The following GH2 variants were observed in gnomAD, a reference collection of about 807,000 sequenced individuals.
The protein encoded by GH2 is growth hormone variant.
Under a neutral mutation model 24.1 loss-of-function variants are expected in GH2, and 17 were observed. That is an observed-to-expected ratio of 0.71 (90% CI 0.48 to 1.06). The LOEUF (loss-of-function observed/expected upper bound fraction) is 1.06, where lower values mean the gene tolerates loss of function less well. Among genes scored for constraint, GH2 ranks in the 50% least tolerant of loss-of-function variants. GH2 has a pLI of 0.00. For synonymous variants in GH2, 126 were observed against 118.7 expected, an observed-to-expected ratio of 1.06 and a Z score of -0.40; for missense variants, 305 against 273.1, an observed-to-expected ratio of 1.12 and a Z score of -0.82.
At chr17:63,881,255 A>T (rs1009939312) in intron 2 of GH2, 104 bp downstream of exon 2, 1 of 1,611,654 alleles carries the variant, frequency 6.2e-7, no homozygotes. Flanking sequence ...TTTTCACTTC[A>T]GAAAACAACC....
rs144217364 is a variant in GH2, at chr17:63,880,417, G to A, written c.558C>T (p.Tyr186=). ...SHNDDALLKN[Y]GLLYCFRKDM... is the part of the protein sequence containing the mutation. ...CCTTCCTGAAGCAGTAGAGCAGCCC[G>A]TAGTTCTTGAGCAGTGCGTCATCGT... is the stretch of plus-strand genomic sequence containing the variant. Residue 186 remains tyrosine, a synonymous_variant, in exon 5 of 5, where the codon TAC becomes TAT. Transcript: ENST00000423893. 4.4e-5 allele frequency: 71 copies of A among 1,613,702 alleles called. No homozygotes were observed. Among genetic ancestry groups the A allele is most frequent in the Non-Finnish European group, 5.6e-5 (66 of 1,179,804 alleles).
rs761690552 is a variant in GH2 at position 63,881,340 on chromosome 17, C to T, written c.171+19G>A. 1.2e-6 allele frequency: 2 copies of T among 1,613,872 alleles called. No individual in the cohort carries two copies. The highest frequency in any genetic ancestry group is 1.7e-5 in the Admixed American group (1 of 60,016). The stretch of plus-strand genomic sequence containing the variant: ...CCTTCCTGCCACCTCTGAAGCGCAC[C>T]CATTACCCAAGAGCTTACAAACTCC... On this transcript the variant is annotated intron_variant, in intron 2 of 4. Coordinates refer to ENST00000423893, the MANE Select transcript of GH2 (RefSeq NM_002059.5).
In GH2 at chr17:63,880,935, T is replaced by C. The variant is rs138801073; in HGVS notation, c.293A>G (p.Asn98Ser). ...SNRVKTQQKS[N>S]LELLRISLLL... ...CAGGGAGATGCGGAGCAGCTCTAGG[T>C]TCTGCAGGGGAAGGACCGGCAGTGG... Residue 98 changes from asparagine (N) to serine (S), a missense_variant and splice_region_variant, in exon 4 of 5, where the codon AAC becomes AGC. Asn to Ser is a conservative substitution (Grantham distance 46, BLOSUM62 1). Transcript: ENST00000423893. The C allele has an allele frequency of 1.5e-4, 241 of 1,613,858 alleles. No homozygotes were observed. Among genetic ancestry groups the C allele is most frequent in the Non-Finnish European group, 2.0e-4 (239 of 1,179,940 alleles).
chr17:63,881,011 G>C lies in GH2; in HGVS notation c.291+18C>G, dbSNP rs753765648. On this transcript the variant is annotated intron_variant, in intron 3 of 4. Coordinates refer to ENST00000423893, the MANE Select transcript of GH2 (RefSeq NM_002059.5). Reference sequence around the variant, plus strand: ...CAGGTCTACCCCATCCCCACCTGGGGAGAAGGCATCCACTCACAGATTTCT... The same window carrying C: ...CAGGTCTACCCCATCCCCACCTGGGCAGAAGGCATCCACTCACAGATTTCT... 7 of 1,614,100 alleles carry C rather than the reference G, an allele frequency of 4.3e-6. No homozygotes were observed. Among genetic ancestry groups the C allele is most frequent in the Non-Finnish European group, 5.1e-6 (6 of 1,179,964 alleles).
chr17:63,881,115 A>G lies in GH2; in HGVS notation c.205T>C (p.Ser69Pro). The G allele has an allele frequency of 6.2e-7, 1 of 1,614,076 alleles. No homozygotes were observed. The highest frequency in any genetic ancestry group is 8.5e-7 in the Non-Finnish European group (1 of 1,179,922). ...GAGGTCTGGGGGTTCTGCAGGAATG[A>G]ATACTTCTGCTCCTTCAGGATATAG... ...EAYILKEQKY[S>P]FLQNPQTSLC... Residue 69 changes from serine to proline, a missense_variant, in exon 3 of 5, where the codon TCA becomes CCA. Transcript: ENST00000423893.
At position 63,881,080 on chromosome 17, in the gene GH2, G is replaced by T; in HGVS notation, c.240C>A (p.Phe80Leu). The change falls in exon 3 of 5, where the codon TTC becomes TTA. Residue 80 changes from phenylalanine (F) to leucine (L), a missense_variant. Phe to Leu is a conservative substitution (Grantham distance 22). Transcript: ENST00000423893. ...TGGAAGGTGTTGGAATAGACTCTGA[G>T]AAGCAGAGGGAGGTCTGGGGGTTCT... Reference protein sequence around the residue: ...FLQNPQTSLCFSESIPTPSNR... With the variant: ...FLQNPQTSLCLSESIPTPSNR... 6.2e-7 allele frequency: 1 copy of T among 1,614,090 alleles called. No individual in the cohort carries two copies. Among genetic ancestry groups the T allele is most frequent in the Non-Finnish European group, 8.5e-7 (1 of 1,179,932 alleles).
chr17:63,881,051 C>T lies in GH2; in HGVS notation c.269G>A (p.Arg90Lys). The change falls in exon 3 of 5, where the codon AGG (arginine) becomes AAG (lysine). Residue 90 changes from arginine to lysine, a missense_variant. Coordinates refer to ENST00000423893, the MANE Select transcript of GH2 (RefSeq NM_002059.5). ...CACAGATTTCTGCTGCGTTTTCACC[C>T]TGTTGGAAGGTGTTGGAATAGACTC... is the stretch of plus-strand genomic sequence containing the variant. ...FSESIPTPSN[R>K]VKTQQKSNLE... 1 of 1,614,060 alleles carries T rather than the reference C, an allele frequency of 6.2e-7. No homozygotes were observed. Among genetic ancestry groups the T allele is most frequent in the Non-Finnish European group, 8.5e-7 (1 of 1,179,946 alleles).
chr17:63,881,271 C>T, intron 2 of GH2, 88 bp downstream of exon 2: 1 of 1,609,790 alleles, frequency 6.2e-7, no homozygotes, highest in Non-Finnish European at 8.5e-7. Context: ...CAACCCTGAG[C>T]TCCTTAGTCT....
At chr17:63,880,698 C>G (rs1275815670) in intron 4 of GH2, 74 bp downstream of exon 4, 34 of 1,614,072 alleles carry the variant, frequency 2.1e-5, no homozygotes, top group Non-Finnish European at 2.8e-5. Context: ...AAAAAGAGGG[C>G]AGCAGTGTTT....
Position 63,880,870 on chromosome 17 carries a change from T to C in GH2, c.358A>G (p.Arg120Gly). 6.2e-7 allele frequency: 1 copy of C among 1,614,038 alleles called. No homozygotes were observed. The highest frequency in any genetic ancestry group is 1.1e-5 in the South Asian group (1 of 91,078). The change falls in exon 4 of 5, where the codon AGG becomes GGG. Residue 120 changes from arginine (R) to glycine (G), a missense_variant. Arg to Gly is a moderately radical substitution (Grantham distance 125). Transcript: ENST00000423893. ...ACCAGGCTGTTGGCGAAGACGCTCCTGAGGAGCTGCACGGGCTCCAGCCAT... is the reference window on the plus strand; with the variant it reads ...ACCAGGCTGTTGGCGAAGACGCTCCCGAGGAGCTGCACGGGCTCCAGCCAT... ...QSWLEPVQLL[R>G]SVFANSLVYG... is the part of the protein sequence containing the mutation.
Position 63,881,510 on chromosome 17 carries a change from G to T in GH2, c.20C>A (p.Thr7Lys), listed in dbSNP as rs1284777228. The change falls in exon 2 of 5, where the codon ACG (threonine) becomes AAG (lysine). Residue 7 changes from threonine to lysine, a missense_variant. Thr to Lys is a moderately conservative substitution (Grantham distance 78, BLOSUM62 -1). Transcript: ENST00000423893. The part of the protein sequence containing the change: MAAGSR[T>K]SLLLAFGLLC... ...CAGGCCAAAAGCCAGGAGCAGGGAC[G>T]TCCGGGAGCCTGGGGAGAAACCGGA... 2 of 1,613,780 alleles carry T rather than the reference G, an allele frequency of 1.2e-6. No individual in the cohort carries two copies. The highest frequency in any genetic ancestry group is 2.2e-5 in the East Asian group (1 of 44,884).
At position 63,881,034 on chromosome 17, in the gene GH2, T is replaced by C. The variant is rs780436174; in HGVS notation, c.286A>G (p.Lys96Glu). 17 of 1,613,950 alleles carry C rather than the reference T, an allele frequency of 1.1e-5. No homozygotes were observed. In the South Asian group the frequency reaches 1.9e-4, roughly 18 times the overall value. ...GGGAGAAGGCATCCACTCACAGATT[T>C]CTGCTGCGTTTTCACCCTGTTGGAA... ...TPSNRVKTQQKSNLELLRISL... is the reference protein window; with the variant it reads ...TPSNRVKTQQESNLELLRISL... Residue 96 changes from lysine (K) to glutamate (E), a missense_variant, in exon 3 of 5, where the codon AAA (lysine) becomes GAA (glutamate). Transcript: ENST00000423893.
At chr17:63,881,716 GC>G in intron 1 of GH2, 75 bp downstream of exon 1, 1 of 1,611,602 alleles carries the variant, frequency 6.2e-7, no homozygotes, top group Non-Finnish European at 8.5e-7. Context: ...GAGGGTTAGT[GC>G]CCCCGTCCCA....
In GH2 at chr17:63,881,103, T is replaced by C. The variant is rs764793386; in HGVS notation, c.217A>G (p.Asn73Asp). ...LKEQKYSFLQNPQTSLCFSES... is the reference protein window; with the variant it reads ...LKEQKYSFLQDPQTSLCFSES... ...GAGAAGCAGAGGGAGGTCTGGGGGT[T>C]CTGCAGGAATGAATACTTCTGCTCC... is the stretch of plus-strand genomic sequence containing the variant. Residue 73 changes from asparagine to aspartate, a missense_variant, in exon 3 of 5, where the codon AAC becomes GAC. Asn to Asp is a conservative substitution (Grantham distance 23). Coordinates refer to ENST00000423893, the MANE Select transcript of GH2 (RefSeq NM_002059.5). The C allele has an allele frequency of 2.5e-6, 4 of 1,613,972 alleles. No homozygotes were observed. In the African/African-American group the frequency reaches 5.3e-5, roughly 22 times the overall value.
At position 63,881,594 on chromosome 17, in the gene GH2, G is replaced by GT. The variant is rs61764016; in HGVS notation, c.11-76dup. The GT allele has an allele frequency of 7.7e-3, 9,417 of 1,219,382 alleles. 8 individuals are homozygous for GT. The highest frequency in any genetic ancestry group is 0.014 in the East Asian group (503 of 36,886). The allele number at this position is 1,219,382 out of a possible 1,614,324, so 75.5% of individuals were successfully genotyped here. ...GCGCTCTCCCTGTTCCAGGAGCTGGGTTTTTTTTTTTCTCTCTCTCTCTCT... is the reference window on the plus strand; with the variant it reads ...GCGCTCTCCCTGTTCCAGGAGCTGGGTTTTTTTTTTTTCTCTCTCTCTCTCT... On this transcript the variant is annotated intron_variant, in intron 1 of 4. Coordinates refer to ENST00000423893, the MANE Select transcript of GH2 (RefSeq NM_002059.5).
chr17:63,881,594 G>GTT (rs61764016), intron 1 of GH2, 75 bp from the exon 2 acceptor site: 27 of 1,255,058 alleles, frequency 2.2e-5, no homozygotes, highest in East Asian at 2.6e-5. Flanking sequence ...CAGGAGCTGG[G>GTT]TTTTTTTTTT....
At chr17:63,880,563 T>A (rs1325683545) in intron 4 of GH2, 45 bp from the exon 5 acceptor site, 3 of 1,613,804 alleles carry the variant, frequency 1.9e-6, no homozygotes, top group Non-Finnish European at 1.7e-6. Flanking sequence ...GCTTGGGCAC[T>A]GTTCCCTCCC....
Position 63,880,364 on chromosome 17 carries a change from C to G in GH2, c.611G>C (p.Arg204Pro). Reference protein sequence around the residue: ...KDMDKVETFLRIVQCRSVEGS... With the variant: ...KDMDKVETFLPIVQCRSVEGS... ...CTCCACAGAGCGGCACTGCACGATG[C>G]GCAGGAATGTCTCGACCTTGTCCAT... The change falls in exon 5 of 5, where the codon CGC (arginine) becomes CCC (proline). Residue 204 changes from arginine to proline, a missense_variant. By Grantham distance (103) the Arg-to-Pro change is moderately radical (BLOSUM62 -2). Transcript: ENST00000423893. 1 of 1,613,860 alleles carries G rather than the reference C, an allele frequency of 6.2e-7. No homozygotes were observed. The highest frequency in any genetic ancestry group is 8.5e-7 in the Non-Finnish European group (1 of 1,179,820).
intron 4 of GH2, 59 bp from the exon 5 acceptor site, chr17:63,880,577 C>G: frequency 1.2e-6 from 2 of 1,613,906 alleles, no homozygotes; most frequent in Non-Finnish European, 1.7e-6. Flanking sequence ...CCCTCCCTCT[C>G]TCATTCATCC....
Sources: allele counts gnomAD v4.1 joint callset, GRCh38; gene constraint gnomAD v4.1.1; transcripts MANE v1.5; gene names NCBI Gene and HGNC (gene_info 2026-07-23, HGNC 2026-07-21).